Variants in CEP70 observed in about 807,000 individuals in gnomAD.
CEP70 encodes the protein centrosomal protein 70.
A neutral mutation model predicts 90.9 loss-of-function variants in CEP70; 70 were observed. The observed-to-expected ratio is 0.77, with a 90% CI of 0.64 to 0.94. CEP70 has a LOEUF of 0.94. Ranked by LOEUF, CEP70 falls within the 40% of genes least tolerant of loss-of-function variation. The pLI, the probability that CEP70 is intolerant of heterozygous loss-of-function variation, is 0.00. For missense variants in CEP70, 648 were observed against 669.0 expected (o/e 0.97, Z 0.35); for synonymous variants, 220 against 228.3 (o/e 0.96, Z 0.33).
At chr3:138,582,987 A>G (rs78338341) in intron 2 of CEP70, among the ~76,000 whole-genome samples, 3,861 of 152,262 alleles carry the variant, frequency 0.025, 67 homozygotes, top group Non-Finnish European at 0.037. Context: ...ACAAAATGAC[A>G]GTAGTAAGTC....
intron 2 of CEP70, among the ~76,000 whole-genome samples, chr3:138,579,919 T>C (rs1212115982): frequency 1.3e-5 from 2 of 151,890 alleles, no homozygotes; most frequent in African/African-American, 4.8e-5. Context: ...GCTCTTGGGG[T>C]TCCCAATTCC....
rs1313062145 is a variant in CEP70 at position 138,494,921 on chromosome 3, CATT to C, written c.*91_*93del. On this transcript the variant is annotated 3_prime_UTR_variant, in exon 18 of 18. Transcript: ENST00000264982. ...AGGGGATGAATTCTGAGAGCAAATA[CATT>C]TTACAACCCTTGTCTCAAAATAAGA... 3 of 706,096 alleles carry C rather than the reference CATT, an allele frequency of 4.2e-6. No individual in the cohort carries two copies. Among genetic ancestry groups the C allele is most frequent in the Non-Finnish European group, 7.4e-6 (3 of 406,388 alleles). 43.7% of individuals were successfully genotyped at this position (706,096 alleles called of 1,614,324 possible).
intron 6 of CEP70, among the ~76,000 whole-genome samples, chr3:138,569,198 T>A (rs2040998004): frequency 6.6e-6 from 1 of 152,112 alleles, no homozygotes; most frequent in African/African-American, 2.4e-5. Flanking sequence ...CTCTGATTAA[T>A]TCTCTCGGAC....
At chr3:138,586,975 A>T (rs1016302166) in intron 2 of CEP70, among the ~76,000 whole-genome samples, 1 of 152,116 alleles carries the variant, frequency 6.6e-6, no homozygotes, top group Admixed American at 6.5e-5. Flanking sequence ...CCATGAAATT[A>T]AAAAAATTTT....
chr3:138,522,472 A>G (rs921052891), intron 11 of CEP70, among the ~76,000 whole-genome samples: 33 of 152,092 alleles, frequency 2.2e-4, no homozygotes, highest in African/African-American at 8.0e-4. Context: ...TTGATAGACC[A>G]CTAGCAAGAC....
At chr3:138,566,220 T>C (rs113538373) in intron 6 of CEP70, among the ~76,000 whole-genome samples, 1 of 152,182 alleles carries the variant, frequency 6.6e-6, no homozygotes, top group South Asian at 2.1e-4. Context: ...ACTTTTACAC[T>C]GTTGGTGGGG....
chr3:138,515,080 A>G (rs1042162045), intron 11 of CEP70, among the ~76,000 whole-genome samples: 3 of 152,124 alleles, frequency 2.0e-5, no homozygotes, highest in Non-Finnish European at 4.4e-5. Context: ...TATATATGCA[A>G]TCAATTCTCA....
intron 11 of CEP70, among the ~76,000 whole-genome samples, chr3:138,518,807 C>T (rs777846617): frequency 5.9e-5 from 9 of 152,122 alleles, no homozygotes; most frequent in Non-Finnish European, 1.3e-4. Context: ...AGCTCCTCAC[C>T]AGCAATGGAA....
chr3:138,561,085 CTCCTGAT>C (rs2040375194), intron 6 of CEP70, among the ~76,000 whole-genome samples: 1 of 152,170 alleles, frequency 6.6e-6, no homozygotes, highest in African/African-American at 2.4e-5. Context: ...AACTCCGTGT[CTCCTGAT>C]TGGGAGACAC....
At chr3:138,556,726 C>T (rs1201396729) in intron 6 of CEP70, among the ~76,000 whole-genome samples, 1 of 151,810 alleles carries the variant, frequency 6.6e-6, no homozygotes, top group Non-Finnish European at 1.5e-5. Context: ...GCTGTAAAAC[C>T]AGCAAGTTTT....
At chr3:138,511,170 C>T (rs969347539) in intron 11 of CEP70, among the ~76,000 whole-genome samples, 1 of 152,190 alleles carries the variant, frequency 6.6e-6, no homozygotes, top group Non-Finnish European at 1.5e-5. Flanking sequence ...CGTGCCCCCC[C>T]AGTCCTAACA....
rs775746639 is a variant in CEP70 at position 138,537,300 on chromosome 3, A to G, written c.513T>C (p.Thr171=). The G allele has an allele frequency of 1.9e-6, 3 of 1,605,880 alleles. No individual in the cohort carries two copies. Among genetic ancestry groups the G allele is most frequent in the Admixed American group, 1.7e-5 (1 of 58,298 alleles). The change falls in exon 7 of 18, where the codon ACT becomes ACC. Residue 171 remains threonine (T), a synonymous_variant. Transcript: ENST00000264982. ...AGACTTCCATTTGCAAAGAAGCAAT[A>G]GTTTCTTCTTGCTCCGTTCGTTTTT... ...YKKKRTEQEE[T]IASLQMEVCR... is the part of the protein sequence containing the mutation.
intron 6 of CEP70, among the ~76,000 whole-genome samples, chr3:138,546,533 G>A (rs960490145): frequency 6.6e-6 from 1 of 152,126 alleles, no homozygotes; most frequent in Non-Finnish European, 1.5e-5. Context: ...CAGATCCCTT[G>A]AGGTCAGGAG....
intron 17 of CEP70, among the ~76,000 whole-genome samples, chr3:138,495,549 C>G (rs897362502): frequency 2.0e-5 from 3 of 152,172 alleles, no homozygotes; most frequent in African/African-American, 7.2e-5. Flanking sequence ...GTGGATCACT[C>G]TAAGATGAAA....
At chr3:138,522,356 A>C (rs1201049010) in intron 11 of CEP70, among the ~76,000 whole-genome samples, 1 of 152,014 alleles carries the variant, frequency 6.6e-6, no homozygotes, top group African/African-American at 2.4e-5. Context: ...AGCAAAAGGC[A>C]AGAAATAACT....
chr3:138,518,660 T>G (rs902835039), intron 11 of CEP70, among the ~76,000 whole-genome samples: 2 of 151,982 alleles, frequency 1.3e-5, no homozygotes, highest in East Asian at 1.9e-4. Flanking sequence ...AGGAAGGACA[T>G]CCACACCAAA....
chr3:138,529,674 T>C (rs2107755252), intron 8 of CEP70, among the ~76,000 whole-genome samples: 1 of 152,280 alleles, frequency 6.6e-6, no homozygotes, highest in South Asian at 2.1e-4. Context: ...TTACTTAGAA[T>C]ATATGATCCA....
At chr3:138,578,972 G>C (rs976359258) in intron 2 of CEP70, among the ~76,000 whole-genome samples, 1 of 152,200 alleles carries the variant, frequency 6.6e-6, no homozygotes, top group Non-Finnish European at 1.5e-5. Context: ...AAGAGGCACC[G>C]AAGAGGGTAG....
intron 1 of CEP70, among the ~76,000 whole-genome samples, chr3:138,592,730 A>C (rs2042445133): frequency 6.6e-6 from 1 of 152,118 alleles, no homozygotes; most frequent in Non-Finnish European, 1.5e-5. Flanking sequence ...CCATATCTTA[A>C]AATTTAATTA....
Sources: gnomAD v4.1 joint callset for allele counts (sites outside exome capture counted in the v4.1 genomes callset) on GRCh38, gnomAD v4.1.1 for gene constraint, MANE v1.5 for transcripts, NCBI Gene and HGNC (gene_info 2026-07-23, HGNC 2026-07-21) for gene names.